Variants in JAK2 observed in about 807,000 individuals in gnomAD.
JAK2 encodes tyrosine-protein kinase JAK2.
A neutral mutation model predicts 139.3 loss-of-function variants in JAK2; 86 were observed. The observed-to-expected ratio is 0.62, with a 90% confidence interval of 0.52 to 0.74. The LOEUF (loss-of-function observed/expected upper bound fraction) is 0.74, where lower values mean the gene tolerates loss of function less well. Among genes scored for constraint, JAK2 ranks in the 30% least tolerant of loss-of-function variants. JAK2 has a pLI of 0.00. For synonymous variants in JAK2, 490 were observed against 437.7 expected, an observed-to-expected ratio of 1.12 and a Z score of -1.49; for missense variants, 1,421 against 1,360.3, an observed-to-expected ratio of 1.04 and a Z score of -0.70.
chr9:5,011,655 T>G (rs1821708370), intron 2 of JAK2, among the ~76,000 whole-genome samples: 1 of 152,226 alleles, frequency 6.6e-6, no homozygotes, highest in African/African-American at 2.4e-5. Flanking sequence ...ATATATATTC[T>G]TCTTTTCATG....
intron 12 of JAK2, among the ~76,000 whole-genome samples, chr9:5,072,207 C>T (rs1818997990): frequency 6.6e-6 from 1 of 152,170 alleles, no homozygotes; most frequent in Non-Finnish European, 1.5e-5. Flanking sequence ...TAGGTAAACA[C>T]TGACTCTATT....
chr9:5,109,575 G>A (rs1822266182), intron 22 of JAK2: 2 of 152,104 alleles, frequency 1.3e-5, no homozygotes, highest in Non-Finnish European at 2.9e-5. Flanking sequence ...CCCTGCAAAA[G>A]AAGATTCATA....
chr9:5,053,635 G>T (rs1817569168), intron 6 of JAK2, among the ~76,000 whole-genome samples: 1 of 152,026 alleles, frequency 6.6e-6, no homozygotes, highest in African/African-American at 2.4e-5. Flanking sequence ...AGGGATAAAT[G>T]GAAGGCAAGA....
intron 2 of JAK2, 31 bp from the exon 3 acceptor site, chr9:5,021,932 C>A (rs1822458112): frequency 2.2e-6 from 3 of 1,334,104 alleles, no homozygotes; most frequent in African/African-American, 1.4e-5. Context: ...TGCGCCCAGC[C>A]CATTTGTAAC....
chr9:5,057,732 C>A (rs960247518), intron 8 of JAK2, among the ~76,000 whole-genome samples: 21 of 151,990 alleles, frequency 1.4e-4, no homozygotes, highest in Non-Finnish European at 2.6e-4. Flanking sequence ...CAGGTGCACG[C>A]CACCATGCTT....
At chr9:5,028,811 C>T (rs1822951376) in intron 3 of JAK2, among the ~76,000 whole-genome samples, 1 of 152,148 alleles carries the variant, frequency 6.6e-6, no homozygotes, top group South Asian at 2.1e-4. Context: ...TCTCAGCCTT[C>T]ACAGGTTTGA....
intron 22 of JAK2, chr9:5,094,266 A>G (rs541907562): frequency 6.6e-6 from 1 of 152,334 alleles, no homozygotes; most frequent in East Asian, 1.9e-4. Context: ...ACGACCCTCA[A>G]CGTCTACTGT....
intron 22 of JAK2, among the ~76,000 whole-genome samples, chr9:5,119,092 T>A (rs1321916190): frequency 1.3e-5 from 2 of 152,206 alleles, no homozygotes; most frequent in Non-Finnish European, 2.9e-5. Flanking sequence ...ATATATGATT[T>A]AAACACAGCA....
chr9:5,105,469 C>T (rs556963681), intron 22 of JAK2, among the ~76,000 whole-genome samples: 4 of 152,244 alleles, frequency 2.6e-5, no homozygotes, highest in Non-Finnish European at 4.4e-5. Flanking sequence ...GAATCAATAT[C>T]GTGAAAATGG....
intron 3 of JAK2, among the ~76,000 whole-genome samples, chr9:5,022,469 G>A (rs1296752350): frequency 2.0e-4 from 30 of 151,944 alleles, no homozygotes; most frequent in Admixed American, 1.9e-3. Context: ...CATATAAGGT[G>A]GTTAAAAAAT....
In JAK2 at chr9:5,029,919, G is replaced by T; in HGVS notation, c.350+13G>T. ...TCTACAGAATAAGGTACTTTCTTCA[G>T]TAAAGTAACTCACTTAATGCTAAAA... On this transcript the variant is annotated intron_variant, in intron 4 of 24. Coordinates refer to ENST00000381652, the MANE Select transcript of JAK2 (RefSeq NM_004972.4). 4.5e-6 allele frequency: 7 copies of T among 1,569,880 alleles called. No homozygotes were observed. Among genetic ancestry groups the T allele is most frequent in the Non-Finnish European group, 6.0e-6 (7 of 1,163,966 alleles).
At position 5,029,863 on chromosome 9, in the gene JAK2, C is replaced by A. The variant is rs1411165853; in HGVS notation, c.307C>A (p.His103Asn). 6.2e-7 allele frequency: 1 copy of A among 1,612,188 alleles called. No homozygotes were observed. Among genetic ancestry groups the A allele is most frequent in the Non-Finnish European group, 8.5e-7 (1 of 1,178,686 alleles). Residue 103 changes from histidine (H) to asparagine (N), a missense_variant, in exon 4 of 25, where the codon CAT becomes AAT. Physicochemically the swap from His to Asn is moderately conservative, Grantham distance 68. Transcript: ENST00000381652. Reference sequence around the variant, plus strand: ...CTGGTATCCACCCAACCATGTCTTCCATATAGATGAGTCAACCAGGCATAA... The same window carrying A: ...CTGGTATCCACCCAACCATGTCTTCAATATAGATGAGTCAACCAGGCATAA... ...RIWYPPNHVF[H>N]IDESTRHNVL...
At chr9:5,023,036 C>A (rs1291859516) in intron 3 of JAK2, among the ~76,000 whole-genome samples, 3 of 152,180 alleles carry the variant, frequency 2.0e-5, no homozygotes, top group Non-Finnish European at 2.9e-5. Flanking sequence ...TTCCTTCTAG[C>A]TATTTTGAAA....
chr9:5,076,635 A>T (rs1365273571), intron 14 of JAK2, among the ~76,000 whole-genome samples: 1 of 152,166 alleles, frequency 6.6e-6, no homozygotes. Flanking sequence ...TTGCTTTATT[A>T]TGGTAGTCTA....
At chr9:5,021,692 G>A (rs1432042137) in intron 2 of JAK2, among the ~76,000 whole-genome samples, 3 of 152,162 alleles carry the variant, frequency 2.0e-5, no homozygotes, top group East Asian at 1.9e-4. Context: ...GGTGGAGTGC[G>A]GAGGTTTGCT....
chr9:5,004,911 A>G (rs973433062), intron 2 of JAK2, among the ~76,000 whole-genome samples: 5 of 145,826 alleles, frequency 3.4e-5, no homozygotes, highest in Admixed American at 1.4e-4. Flanking sequence ...GGCCATTTAC[A>G]TATTGTCTTT....
chr9:5,113,780 T>TG (rs1322041861), intron 22 of JAK2: 1 of 164,758 alleles, frequency 6.1e-6, no homozygotes, highest in Non-Finnish European at 1.3e-5. Context: ...CTCGGGTGCG[T>TG]GGGCCAAACG....
At chr9:5,009,136 G>C (rs1297522058) in intron 2 of JAK2, among the ~76,000 whole-genome samples, 4 of 152,128 alleles carry the variant, frequency 2.6e-5, no homozygotes, top group Non-Finnish European at 5.9e-5. Flanking sequence ...ACATAAGTTG[G>C]AACAACACAA....
chr9:5,087,123 T>C (rs1820183905), intron 19 of JAK2, among the ~76,000 whole-genome samples: 1 of 152,252 alleles, frequency 6.6e-6, no homozygotes, highest in Non-Finnish European at 1.5e-5. Flanking sequence ...CTGGTTGTAT[T>C]AGTCTGTTCT....
Sources: gnomAD v4.1 joint callset for allele counts (sites outside exome capture counted in the v4.1 genomes callset) on GRCh38, gnomAD v4.1.1 for gene constraint, MANE v1.5 for transcripts, NCBI Gene and HGNC (gene_info 2026-07-23, HGNC 2026-07-21) for gene names.